The following LMTK2 variants were observed in gnomAD, a reference collection of about 807,000 sequenced individuals.
LMTK2 encodes lemur tail kinase 2.
A neutral mutation model predicts 127.5 loss-of-function variants in LMTK2; 37 were observed. That is an observed-to-expected ratio of 0.29 (90% confidence interval 0.22 to 0.38). LMTK2 has a LOEUF of 0.38. Among genes scored for constraint, LMTK2 ranks in the 10% least tolerant of loss-of-function variants. The probability of loss-of-function intolerance (pLI) is 1.00; values close to 1 mark genes in which losing one functional copy is unlikely to be tolerated. For synonymous variants in LMTK2, 819 were observed against 810.1 expected, an observed-to-expected ratio of 1.01 and a Z score of -0.19; for missense variants, 1,694 against 1,920.3, an observed-to-expected ratio of 0.88 and a Z score of 2.20.
At chr7:98,164,785 G>A (rs932686304) in intron 6 of LMTK2, among the ~76,000 whole-genome samples, 7 of 152,142 alleles carry the variant, frequency 4.6e-5, no homozygotes, top group Non-Finnish European at 1.0e-4. Context: ...TGGAGACCAG[G>A]CTGCCAGCCG....
Position 98,205,803 on chromosome 7 carries a change from G to A in LMTK2, c.*311G>A, listed in dbSNP as rs1415198185. ...AGGGGCACAGCCTCCATGTGCGCGC[G>A]CGTGTGGAGCTGTGTGCACCGCATG... On this transcript the variant is annotated 3_prime_UTR_variant, in exon 14 of 14. Coordinates refer to ENST00000297293, the MANE Select transcript of LMTK2 (RefSeq NM_014916.4). 8.3e-6 allele frequency: 4 copies of A among 480,052 alleles called. No homozygotes were observed. Among genetic ancestry groups the A allele is most frequent in the Non-Finnish European group, 1.5e-5 (4 of 261,732 alleles). The allele number at this position is 480,052 out of a possible 1,614,324, so 29.7% of individuals were successfully genotyped here.
intron 11 of LMTK2, among the ~76,000 whole-genome samples, chr7:98,196,803 A>G (rs1464900617): frequency 6.6e-6 from 1 of 152,208 alleles, no homozygotes; most frequent in Non-Finnish European, 1.5e-5. Context: ...AGACATGCTT[A>G]ATGGACGCGA....
At chr7:98,128,454 C>T (rs988628482) in intron 1 of LMTK2, among the ~76,000 whole-genome samples, 12 of 152,128 alleles carry the variant, frequency 7.9e-5, no homozygotes, top group African/African-American at 1.9e-4. Flanking sequence ...CCAGCCCTGC[C>T]GACACCTAGT....
At chr7:98,183,307 G>A (rs1797381273) in intron 7 of LMTK2, among the ~76,000 whole-genome samples, 1 of 152,168 alleles carries the variant, frequency 6.6e-6, no homozygotes, top group Non-Finnish European at 1.5e-5. Flanking sequence ...GCTACCTGGA[G>A]TCTTCATCTG....
In LMTK2 at chr7:98,193,187, C is replaced by A. The variant is rs1797561321; in HGVS notation, c.2722C>A (p.Leu908Ile). 3.7e-6 allele frequency: 6 copies of A among 1,613,712 alleles called. No individual in the cohort carries two copies. In the South Asian group the frequency reaches 6.6e-5, roughly 18 times the overall value. The change falls in exon 11 of 14, where the codon CTT (leucine) becomes ATT (isoleucine). Residue 908 changes from leucine (L) to isoleucine (I), a missense_variant. By Grantham distance (5) the Leu-to-Ile change is conservative. Transcript: ENST00000297293. This position sits in a 1 kb window ranked among gnomAD's most constrained non-coding sequence, Gnocchi z 4.1. Reference protein sequence around the residue: ...ESDSVLADDILASRVSVGSSL... With the variant: ...ESDSVLADDIIASRVSVGSSL... The stretch of plus-strand genomic sequence containing the variant: ...TGACTCTGTTCTTGCTGATGACATC[C>A]TTGCCAGCAGGGTGAGTGTAGGGAG...
chr7:98,121,215 A>C (rs1330071985), intron 1 of LMTK2, among the ~76,000 whole-genome samples: 1 of 152,038 alleles, frequency 6.6e-6, no homozygotes, highest in Non-Finnish European at 1.5e-5. Flanking sequence ...CGGAGACCCA[A>C]CTCCAGCCAC....
Position 98,205,518 on chromosome 7 carries a change from T to C in LMTK2, c.*26T>C. On this transcript the variant is annotated 3_prime_UTR_variant, in exon 14 of 14. Transcript: ENST00000297293. ...GTGGCTGCCAACGCGCACGCTCGGGTCCGAGGCTGCTCCCCTGGAGCGGCG... is the reference window on the plus strand; with the variant it reads ...GTGGCTGCCAACGCGCACGCTCGGGCCCGAGGCTGCTCCCCTGGAGCGGCG... 1 of 1,611,188 alleles carries C rather than the reference T, an allele frequency of 6.2e-7. No homozygotes were observed. The highest frequency in any genetic ancestry group is 8.5e-7 in the Non-Finnish European group (1 of 1,179,754).
intron 6 of LMTK2, among the ~76,000 whole-genome samples, chr7:98,166,276 G>A (rs1354557059): frequency 1.3e-5 from 2 of 152,256 alleles, no homozygotes; most frequent in South Asian, 2.1e-4. Context: ...ACCAAGGTGT[G>A]CACCTGTAGC....
chr7:98,159,878 A>G (rs1041843455), intron 6 of LMTK2, among the ~76,000 whole-genome samples: 42 of 152,238 alleles, frequency 2.8e-4, no homozygotes, highest in African/African-American at 9.9e-4. Context: ...ATCCGTCAGC[A>G]TCTGAAAATA....
intron 6 of LMTK2, among the ~76,000 whole-genome samples, chr7:98,161,671 A>G (rs1046773410): frequency 3.9e-5 from 6 of 152,134 alleles, no homozygotes; most frequent in African/African-American, 1.4e-4. Flanking sequence ...TTATGATCTT[A>G]GGTTATTGTG....
chr7:98,205,820 C>A lies in LMTK2; in HGVS notation c.*328C>A. 2.4e-6 allele frequency: 1 copy of A among 418,120 alleles called. No homozygotes were observed. 25.9% of individuals were successfully genotyped at this position (418,120 alleles called of 1,614,324 possible). A position where few individuals can be genotyped will look rare whatever the true frequency, so the allele number is the denominator to read the frequency against. ...GTGCGCGCGCGTGTGGAGCTGTGTG[C>A]ACCGCATGTGTGCTTTCCACAGGGG... On this transcript the variant is annotated 3_prime_UTR_variant, in exon 14 of 14. Coordinates refer to ENST00000297293, the MANE Select transcript of LMTK2 (RefSeq NM_014916.4).
intron 8 of LMTK2, 72 bp downstream of exon 8, chr7:98,185,207 C>T: frequency 9.7e-7 from 1 of 1,033,828 alleles, no homozygotes; most frequent in Non-Finnish European, 1.5e-6. Context: ...ACCAAATGCC[C>T]CACTGTTTGT....
chr7:98,159,313 AT>A, intron 5 of LMTK2, 24 bp from the exon 6 acceptor site: 2 of 1,496,266 alleles, frequency 1.3e-6, no homozygotes, highest in Non-Finnish European at 1.8e-6. Context: ...CTGATGAACA[AT>A]ATTATGGCTT....
chr7:98,188,045 A>T (rs1205304832), intron 9 of LMTK2, among the ~76,000 whole-genome samples: 2 of 152,112 alleles, frequency 1.3e-5, no homozygotes, highest in Non-Finnish European at 2.9e-5. Context: ...AATATACAAA[A>T]ATTTGTTGTT....
At position 98,192,897 on chromosome 7, in the gene LMTK2, C is replaced by G; in HGVS notation, c.2432C>G (p.Pro811Arg). ...TTGAGCACCTCATTGCAGTCTTCCCCGGAAGTGCAGGTACCTCCTACCTCC... is the reference window on the plus strand; with the variant it reads ...TTGAGCACCTCATTGCAGTCTTCCCGGGAAGTGCAGGTACCTCCTACCTCC... ...DTLSTSLQSS[P>R]EVQVPPTSFE... is the part of the protein sequence containing the mutation. Residue 811 changes from proline (P) to arginine (R), a missense_variant, in exon 11 of 14, where the codon CCG becomes CGG. Physicochemically the swap from Pro to Arg is moderately radical, Grantham distance 103. Coordinates refer to ENST00000297293, the MANE Select transcript of LMTK2 (RefSeq NM_014916.4). 1 of 1,614,126 alleles carries G rather than the reference C, an allele frequency of 6.2e-7. No individual in the cohort carries two copies. The highest frequency in any genetic ancestry group is 8.5e-7 in the Non-Finnish European group (1 of 1,179,990).
At chr7:98,135,347 C>G (rs1187463059) in intron 1 of LMTK2, among the ~76,000 whole-genome samples, 2 of 152,054 alleles carry the variant, frequency 1.3e-5, no homozygotes, top group African/African-American at 4.8e-5. Flanking sequence ...GGGTCTTGCT[C>G]TGTCACCCAG....
At chr7:98,184,374 TAG>T (rs1797401204) in intron 7 of LMTK2, among the ~76,000 whole-genome samples, 2 of 152,234 alleles carry the variant, frequency 1.3e-5, no homozygotes, top group South Asian at 2.1e-4. Context: ...CTTATCATTT[TAG>T]AGAGACAGTT....
Position 98,108,685 on chromosome 7 carries a change from T to C in LMTK2, c.103+1405T>C, listed in dbSNP as rs112298799. Among the ~76,000 whole-genome samples the C allele has an allele frequency of 6.7e-3, 1,024 of 152,278 alleles. 10 individuals are homozygous for C. Among genetic ancestry groups the C allele is most frequent in the Middle Eastern group, 0.027 (8 of 294 alleles). Reference sequence around the variant, plus strand: ...GAAAGATTATGTGGAAGGATGGTGATGTTGATATTTAAAGATATTGATATT... The same window carrying C: ...GAAAGATTATGTGGAAGGATGGTGACGTTGATATTTAAAGATATTGATATT... On this transcript the variant is annotated intron_variant, in intron 1 of 13. Coordinates refer to ENST00000297293, the MANE Select transcript of LMTK2 (RefSeq NM_014916.4).
At position 98,194,276 on chromosome 7, in the gene LMTK2, G is replaced by T. The variant is rs770164893; in HGVS notation, c.3811G>T (p.Val1271Leu). The part of the protein sequence containing the change: ...IEGKYLGKLG[V>L]SGMLDLSEDG... ...AGGGAAGTACCTGGGGAAACTCGGG[G>T]TGTCAGGGATGCTCGACCTCTCAGA... is the stretch of plus-strand genomic sequence containing the variant. The change falls in exon 11 of 14, where the codon GTG (valine) becomes TTG (leucine). Residue 1271 changes from valine to leucine, a missense_variant. Coordinates refer to ENST00000297293, the MANE Select transcript of LMTK2 (RefSeq NM_014916.4). The surrounding 1 kb of genome is among the most constrained non-coding windows in gnomAD (Gnocchi z 5.4). 3.1e-6 allele frequency: 5 copies of T among 1,614,214 alleles called. No homozygotes were observed. In the Admixed American group the frequency reaches 8.3e-5, roughly 27 times the overall value.
Sources: allele counts gnomAD v4.1 joint callset (sites outside exome capture counted in the v4.1 genomes callset), GRCh38; gene constraint gnomAD v4.1.1; non-coding constraint Gnocchi (gnomAD v3.1); transcripts MANE v1.5; gene names NCBI Gene and HGNC (gene_info 2026-07-23, HGNC 2026-07-21).